The following KCNQ1 variants were observed in gnomAD, a reference collection of about 807,000 sequenced individuals.
The protein encoded by KCNQ1 is potassium voltage-gated channel subfamily KQT member 1.
KCNQ1 carries 49 observed loss-of-function variants against 72.4 expected under a neutral mutation model. That is an observed-to-expected ratio of 0.68 (90% CI 0.54 to 0.86). The LOEUF is 0.86. Among genes scored for constraint, KCNQ1 ranks in the 40% least tolerant of loss-of-function variants. KCNQ1 has a pLI of 0.00. For synonymous variants in KCNQ1, 450 were observed against 412.6 expected, an observed-to-expected ratio of 1.09 and a Z score of -1.10; for missense variants, 790 against 945.1, an observed-to-expected ratio of 0.84 and a Z score of 2.15.
chr11:2,591,848 G>A (rs1848674685), intron 10 of KCNQ1, among the ~76,000 whole-genome samples: 1 of 152,258 alleles, frequency 6.6e-6, no homozygotes, highest in Non-Finnish European at 1.5e-5. Flanking sequence ...TCTGGAGCCT[G>A]AGCTGTTGGC....
At chr11:2,555,999 G>T (rs1383844685) in intron 2 of KCNQ1, among the ~76,000 whole-genome samples, 1 of 152,204 alleles carries the variant, frequency 6.6e-6, no homozygotes, top group African/African-American at 2.4e-5. Context: ...GGAGCCCCTG[G>T]GTGCCAGCTG....
Position 2,664,778 on chromosome 11 carries a change from G to A in KCNQ1, c.1514+2697G>A. The A allele has an allele frequency of 5.0e-6, 2 of 398,754 alleles. No homozygotes were observed. The highest frequency in any genetic ancestry group is 8.8e-6 in the Non-Finnish European group (2 of 226,170). 24.7% of individuals were successfully genotyped at this position (398,754 alleles called of 1,614,324 possible). A position where few individuals can be genotyped will look rare whatever the true frequency, so the allele number is the denominator to read the frequency against. On this transcript the variant is annotated intron_variant, in intron 11 of 15. Transcript: ENST00000155840. This position sits in a 1 kb window ranked among gnomAD's most constrained non-coding sequence, Gnocchi z 5.1. ...GGGTCTCACAGGGGGCAGAGTGGGT[G>A]GGAGGCAGTTACCAAAAAACATTTC...
At chr11:2,717,645 C>T (rs190509633) in intron 11 of KCNQ1, among the ~76,000 whole-genome samples, 4 of 152,348 alleles carry the variant, frequency 2.6e-5, no homozygotes, top group Non-Finnish European at 5.9e-5. Flanking sequence ...CAGGAAAGTT[C>T]CCCAGGCCCG....
intron 8 of KCNQ1, among the ~76,000 whole-genome samples, chr11:2,586,837 C>T (rs1299474715): frequency 6.6e-6 from 1 of 152,088 alleles, no homozygotes; most frequent in African/African-American, 2.4e-5. Flanking sequence ...CTCATGTGGC[C>T]AGTGATGACA....
At chr11:2,656,738 C>T in intron 10 of KCNQ1, 1 of 398,502 alleles carries the variant, frequency 2.5e-6, no homozygotes, top group African/African-American at 2.1e-5. Flanking sequence ...TCAAATTACT[C>T]AGTCTTCTCT....
Position 2,458,424 on chromosome 11 carries a change from C to T in KCNQ1, c.386+12940C>T, listed in dbSNP as rs1378866544. The stretch of plus-strand genomic sequence containing the variant: ...CGTGATTAACCTGTGAACTGTAACT[C>T]GGGGAAACCCAGTAGCTGATGGGGT... On this transcript the variant is annotated intron_variant, in intron 1 of 15. Coordinates refer to ENST00000155840, the MANE Select transcript of KCNQ1 (RefSeq NM_000218.3). The surrounding 1 kb of genome is among the most constrained non-coding windows in gnomAD (Gnocchi z 4.6). Among the ~76,000 whole-genome samples, 3 of 152,214 alleles carry T rather than the reference C, an allele frequency of 2.0e-5. No individual in the cohort carries two copies. Among genetic ancestry groups the T allele is most frequent in the Non-Finnish European group, 4.4e-5 (3 of 68,042 alleles).
chr11:2,801,467 C>T (rs889573891), intron 15 of KCNQ1, among the ~76,000 whole-genome samples: 4 of 152,180 alleles, frequency 2.6e-5, no homozygotes, highest in East Asian at 1.9e-4. Flanking sequence ...GTGGAAGGGT[C>T]GGCTCCTGGT....
chr11:2,615,654 C>T, intron 10 of KCNQ1: 4 of 397,950 alleles, frequency 1.0e-5, no homozygotes, highest in Non-Finnish European at 1.8e-5. Context: ...GATTTTTTAT[C>T]CTTCATTGTA....
At chr11:2,470,495 C>G (rs188795094) in intron 1 of KCNQ1, among the ~76,000 whole-genome samples, 4 of 152,218 alleles carry the variant, frequency 2.6e-5, no homozygotes, top group Admixed American at 2.6e-4. Context: ...CTCGTCTCGC[C>G]TTTGTTCTGT....
chr11:2,675,989 C>T (rs1045645709), intron 11 of KCNQ1: 2 of 398,514 alleles, frequency 5.0e-6, no homozygotes, highest in African/African-American at 4.1e-5. Context: ...CTCTCCCCAC[C>T]CAACCCTAAT....
Position 2,825,151 on chromosome 11 carries a change from C to T in KCNQ1, c.1795-22616C>T, listed in dbSNP as rs1330036579. On this transcript the variant is annotated intron_variant, in intron 15 of 15. Transcript: ENST00000155840. ...CACGGTGGAAAGAGAGTCCAGAGAACATGGGAGGTGCCGTTTCCCTGCGGC... is the reference window on the plus strand; with the variant it reads ...CACGGTGGAAAGAGAGTCCAGAGAATATGGGAGGTGCCGTTTCCCTGCGGC... Among the ~76,000 whole-genome samples the T allele has an allele frequency of 2.0e-5, 3 of 152,002 alleles. No individual in the cohort carries two copies. In the East Asian group the frequency reaches 5.8e-4, roughly 29 times the overall value.
Position 2,657,457 on chromosome 11 carries a change from T to C in KCNQ1, c.1394-4504T>C, listed in dbSNP as rs1849870201. The C allele has an allele frequency of 5.0e-6, 2 of 398,486 alleles. No homozygotes were observed. Among genetic ancestry groups the C allele is most frequent in the South Asian group, 1.3e-4 (1 of 7,868 alleles). The allele number at this position is 398,486 out of a possible 1,614,324, so 24.7% of individuals were successfully genotyped here. A position where few individuals can be genotyped will look rare whatever the true frequency, so the allele number is the denominator to read the frequency against. On this transcript the variant is annotated intron_variant, in intron 10 of 15. Transcript: ENST00000155840. The surrounding 1 kb of genome is among the most constrained non-coding windows in gnomAD (Gnocchi z 4.8). ...GATAATTAATATTCTTTTGTGCTATTGTATACAGGTTCTGTTTTCTCTTGT... is the reference window on the plus strand; with the variant it reads ...GATAATTAATATTCTTTTGTGCTATCGTATACAGGTTCTGTTTTCTCTTGT...
chr11:2,769,211 G>A lies in KCNQ1; in HGVS notation c.1590+292G>A, dbSNP rs139295116. Reference sequence around the variant, plus strand: ...GCCGTGTAGCTCACTCAGTCCTCCCGTGGGGTGGGTCGTGCAAGGCAGCAT... The same window carrying A: ...GCCGTGTAGCTCACTCAGTCCTCCCATGGGGTGGGTCGTGCAAGGCAGCAT... On this transcript the variant is annotated intron_variant, in intron 12 of 15. Transcript: ENST00000155840. The surrounding 1 kb of genome is among the most constrained non-coding windows in gnomAD (Gnocchi z 4.6). Among the ~76,000 whole-genome samples, 37 of 152,198 alleles carry A rather than the reference G, an allele frequency of 2.4e-4. No individual in the cohort carries two copies. The highest frequency in any genetic ancestry group is 6.3e-4 in the African/African-American group (26 of 41,548).
rs568002345 is a variant in KCNQ1 at position 2,822,351 on chromosome 11, G to A, written c.1795-25416G>A. Among the ~76,000 whole-genome samples the A allele has an allele frequency of 2.6e-5, 4 of 152,164 alleles. No homozygotes were observed. In the East Asian group the frequency reaches 7.7e-4, roughly 29 times the overall value. Reference sequence around the variant, plus strand: ...AGCACCAGCACAGCGCCAGGCCCTGGGGTATAGTGTGGATAAGATGGACTG... The same window carrying A: ...AGCACCAGCACAGCGCCAGGCCCTGAGGTATAGTGTGGATAAGATGGACTG... On this transcript the variant is annotated intron_variant, in intron 15 of 15. Transcript: ENST00000155840.
chr11:2,685,672 G>T, intron 11 of KCNQ1: 1 of 398,622 alleles, frequency 2.5e-6, no homozygotes, highest in East Asian at 3.6e-5. Flanking sequence ...GAAGTTCAGG[G>T]GTCCCATGTG....
intron 11 of KCNQ1, among the ~76,000 whole-genome samples, chr11:2,737,597 G>A (rs1053219337): frequency 5.9e-5 from 9 of 152,190 alleles, no homozygotes; most frequent in African/African-American, 2.2e-4. Context: ...TGATCCCAAC[G>A]TGAGTGAATT....
intron 10 of KCNQ1, chr11:2,640,365 A>G: frequency 2.5e-6 from 1 of 398,612 alleles, no homozygotes; most frequent in South Asian, 1.3e-4. Flanking sequence ...CACTTACTGC[A>G]ATCTTTAACT....
chr11:2,521,523 G>A (rs200416209), intron 1 of KCNQ1: 40 of 470,724 alleles, frequency 8.5e-5, no homozygotes, highest in Admixed American at 1.9e-4. Flanking sequence ...AAAGTTCTGT[G>A]AAACGCTCCA....
At chr11:2,546,020 A>G (rs1321791686) in intron 2 of KCNQ1, among the ~76,000 whole-genome samples, 1 of 151,726 alleles carries the variant, frequency 6.6e-6, no homozygotes, top group African/African-American at 2.4e-5. Flanking sequence ...TAATTATTTT[A>G]TTCTGCCTAC....
Sources: allele counts gnomAD v4.1 joint callset (sites outside exome capture counted in the v4.1 genomes callset), GRCh38; gene constraint gnomAD v4.1.1; non-coding constraint Gnocchi (gnomAD v3.1); transcripts MANE v1.5; gene names NCBI Gene and HGNC (gene_info 2026-07-23, HGNC 2026-07-21).